The following THRB variants were observed in gnomAD, a reference collection of about 807,000 sequenced individuals.
THRB encodes the protein nuclear receptor subfamily 1 group A member 2.
A neutral mutation model predicts 47.8 loss-of-function variants in THRB; 12 were observed. The observed-to-expected ratio is 0.25, with a 90% CI of 0.16 to 0.41. THRB has a LOEUF of 0.41. Among genes scored for constraint, THRB ranks in the 10% least tolerant of loss-of-function variants. The pLI is 1.00. For missense variants in THRB, 348 were observed against 589.2 expected, an observed-to-expected ratio of 0.59 and a Z score of 4.24; for synonymous variants, 218 against 212.2, an observed-to-expected ratio of 1.03 and a Z score of -0.24.
chr3:24,491,847 T>C (rs1698188629), intron 1 of THRB, among the ~76,000 whole-genome samples: 1 of 152,258 alleles, frequency 6.6e-6, no homozygotes, highest in Non-Finnish European at 1.5e-5. Context: ...GGTCAATGTC[T>C]TCCAGGGATC....
chr3:24,429,548 A>C lies in THRB; in HGVS notation c.-261+65104T>G, dbSNP rs561280129. ...CCCATTGAGCTCTGTCCTGTCAAAA[A>C]ATTTATTGATTTGGGTGAAGACGAG... is the stretch of plus-strand genomic sequence containing the variant. On this transcript the variant is annotated intron_variant, in intron 1 of 10. Transcript: ENST00000646209. Among the ~76,000 whole-genome samples, 270 of 152,204 alleles carry C rather than the reference A, an allele frequency of 1.8e-3. 1 individual carries two copies. Among genetic ancestry groups the C allele is most frequent in the African/African-American group, 6.0e-3 (250 of 41,546 alleles).
intron 8 of THRB, among the ~76,000 whole-genome samples, chr3:24,142,748 G>A (rs1240540314): frequency 2.0e-5 from 3 of 152,340 alleles, no homozygotes; most frequent in Middle Eastern, 3.4e-3. Context: ...AGTTGGTTTT[G>A]GTGCCTGGCT....
At chr3:24,484,974 T>G (rs1697075330) in intron 1 of THRB, among the ~76,000 whole-genome samples, 1 of 152,242 alleles carries the variant, frequency 6.6e-6, no homozygotes, top group African/African-American at 2.4e-5. Context: ...CTGCATTCAT[T>G]CATTCATTCA....
intron 2 of THRB, among the ~76,000 whole-genome samples, chr3:24,315,845 T>C (rs552557765): frequency 1.1e-4 from 16 of 152,234 alleles, no homozygotes; most frequent in Admixed American, 2.0e-4. Context: ...AGAGCAGCGA[T>C]AATTTGGCTT....
At chr3:24,278,605 C>G (rs1399322886) in intron 3 of THRB, among the ~76,000 whole-genome samples, 1 of 152,174 alleles carries the variant, frequency 6.6e-6, no homozygotes, top group African/African-American at 2.4e-5. Flanking sequence ...TCACAACCCT[C>G]TATTTAAATT....
At chr3:24,456,538 T>C (rs2073187535) in intron 1 of THRB, among the ~76,000 whole-genome samples, 1 of 151,650 alleles carries the variant, frequency 6.6e-6, no homozygotes, top group South Asian at 2.1e-4. Context: ...CAGTAACCAG[T>C]TTGTATACTA....
chr3:24,281,804 A>T (rs2054641551), intron 3 of THRB, among the ~76,000 whole-genome samples: 1 of 150,624 alleles, frequency 6.6e-6, no homozygotes, highest in Non-Finnish European at 1.5e-5. Flanking sequence ...GATAAAACAG[A>T]CTTTAAACCA....
At chr3:24,138,722 G>C (rs2035032826) in intron 8 of THRB, among the ~76,000 whole-genome samples, 1 of 152,140 alleles carries the variant, frequency 6.6e-6, no homozygotes, top group South Asian at 2.1e-4. Context: ...TATGCACACA[G>C]ACCAAATATG....
At chr3:24,153,234 A>T (rs2037288316) in intron 5 of THRB, among the ~76,000 whole-genome samples, 1 of 152,198 alleles carries the variant, frequency 6.6e-6, no homozygotes, top group African/African-American at 2.4e-5. Flanking sequence ...GGAGATGACG[A>T]AGTCCTTGTA....
At position 24,421,576 on chromosome 3, in the gene THRB, GT is replaced by G. The variant is rs547001018; in HGVS notation, c.-261+73075del. On this transcript the variant is annotated intron_variant, in intron 1 of 10. Transcript: ENST00000646209. ...TCTTCAGGCTTTACTAATCCAATAG[GT>G]TGTATGTATGACAGTTTCCACAGGA... Among the ~76,000 whole-genome samples, 144 of 151,866 alleles carry G rather than the reference GT, an allele frequency of 9.5e-4. 1 individual carries two copies. The highest frequency in any genetic ancestry group is 1.8e-3 in the Non-Finnish European group (119 of 67,846).
intron 2 of THRB, among the ~76,000 whole-genome samples, chr3:24,315,040 T>G (rs1355861688): frequency 6.6e-6 from 1 of 152,216 alleles, no homozygotes; most frequent in Non-Finnish European, 1.5e-5. Flanking sequence ...TATATTTTCT[T>G]TGTCTTTTAA....
intron 1 of THRB, among the ~76,000 whole-genome samples, chr3:24,424,141 C>T (rs1041263272): frequency 2.0e-5 from 3 of 151,840 alleles, no homozygotes; most frequent in Non-Finnish European, 4.4e-5. Flanking sequence ...AAGTTTTCAA[C>T]CATGATTGGC....
chr3:24,259,878 T>C (rs1462857883), intron 3 of THRB, among the ~76,000 whole-genome samples: 1 of 152,138 alleles, frequency 6.6e-6, no homozygotes, highest in Non-Finnish European at 1.5e-5. Flanking sequence ...GTATGTAAGT[T>C]TTAAAAAGCA....
chr3:24,123,380 T>A (rs2032071889), intron 10 of THRB, among the ~76,000 whole-genome samples: 1 of 152,184 alleles, frequency 6.6e-6, no homozygotes, highest in African/African-American at 2.4e-5. Context: ...GTGAATTACC[T>A]TCTTGAGTGT....
At chr3:24,353,549 T>C (rs1227736557) in intron 1 of THRB, among the ~76,000 whole-genome samples, 2 of 152,122 alleles carry the variant, frequency 1.3e-5, no homozygotes, top group African/African-American at 4.8e-5. Context: ...TCTAGTTACT[T>C]TGTCACTTTC....
intron 3 of THRB, among the ~76,000 whole-genome samples, chr3:24,259,479 G>A (rs1328530364): frequency 1.3e-5 from 2 of 152,116 alleles, no homozygotes; most frequent in African/African-American, 4.8e-5. Flanking sequence ...GACGAGAGAG[G>A]AACACACCGC....
intron 1 of THRB, among the ~76,000 whole-genome samples, chr3:24,380,338 A>C (rs1005707032): frequency 3.3e-5 from 5 of 151,774 alleles, no homozygotes; most frequent in Non-Finnish European, 7.4e-5. Flanking sequence ...AGGCCTTTAT[A>C]ATTTGGTGCC....
chr3:24,351,485 A>T (rs1014768538), intron 1 of THRB, among the ~76,000 whole-genome samples: 1 of 152,098 alleles, frequency 6.6e-6, no homozygotes, highest in African/African-American at 2.4e-5. Context: ...GCATTCAATA[A>T]AATGTTATTG....
intron 2 of THRB, among the ~76,000 whole-genome samples, chr3:24,327,323 A>AT (rs1288250550): frequency 1.3e-5 from 2 of 152,050 alleles, no homozygotes; most frequent in Admixed American, 1.3e-4. Context: ...AGAAATTTGA[A>AT]TTTTGTTTCT....
Sources: gnomAD v4.1 joint callset for allele counts (sites outside exome capture counted in the v4.1 genomes callset) on GRCh38, gnomAD v4.1.1 for gene constraint, MANE v1.5 for transcripts, NCBI Gene and HGNC (gene_info 2026-07-23, HGNC 2026-07-21) for gene names.